PRKCQ: variants seen among roughly 807,000 people sequenced by gnomAD.
PRKCQ encodes protein kinase C theta type.
Under a neutral mutation model 91.2 loss-of-function variants are expected in PRKCQ, and 41 were observed. The observed-to-expected ratio is 0.45, with a 90% CI of 0.35 to 0.58. The LOEUF (loss-of-function observed/expected upper bound fraction) is 0.58. Ranked by LOEUF, PRKCQ falls within the 20% of genes least tolerant of loss-of-function variation. The pLI is 0.00. For synonymous variants in PRKCQ, 307 were observed against 316.9 expected, an observed-to-expected ratio of 0.97 and a Z score of 0.33; for missense variants, 673 against 896.5, an observed-to-expected ratio of 0.75 and a Z score of 3.18.
chr10:6,464,247 G>GAA, intron 13 of PRKCQ, 66 bp downstream of exon 13: 3 of 1,413,176 alleles, frequency 2.1e-6, no homozygotes, highest in Admixed American at 2.0e-5. Flanking sequence ...GGGAAAAAAG[G>GAA]AAAAAAAAAC....
intron 16 of PRKCQ, among the ~76,000 whole-genome samples, chr10:6,432,385 T>C (rs1833466708): frequency 1.3e-5 from 2 of 152,086 alleles, no homozygotes; most frequent in Non-Finnish European, 2.9e-5. Context: ...GTTTTTTCGC[T>C]TTTTTAAAAA....
At position 6,428,157 on chromosome 10, in the gene PRKCQ, C is replaced by T. The variant is rs1833214634; in HGVS notation, c.*50G>A. 1 of 1,610,106 alleles carries T rather than the reference C, an allele frequency of 6.2e-7. No individual in the cohort carries two copies. Among genetic ancestry groups the T allele is most frequent in the Admixed American group, 1.7e-5 (1 of 59,930 alleles). ...GGAACCCAAGCAGTGTCTCTTGAAC[C>T]AGTTCCCAGGGAGAAGGCAAATTCT... On this transcript the variant is annotated 3_prime_UTR_variant, in exon 18 of 18. Coordinates refer to ENST00000263125, the MANE Select transcript of PRKCQ (RefSeq NM_006257.5).
chr10:6,404,587 C>CT, the PRKCQ span, among the ~76,000 whole-genome samples: 1 of 107,898 alleles, frequency 9.3e-6, no homozygotes, highest in Admixed American at 1.2e-4. Flanking sequence ...TTCTTTCTTT[C>CT]TTTTTTTCTC....
chr10:6,442,182 G>A lies in PRKCQ; in HGVS notation c.1648-101C>T, dbSNP rs1588661299. ...GGCCACTCAGTAAATGGTCGAGGAT[G>A]ATGGTGTGCAAGAAAGATCACCCTG... On this transcript the variant is annotated intron_variant, in intron 15 of 17. Transcript: ENST00000263125. 6.0e-6 allele frequency: 7 copies of A among 1,173,000 alleles called. No homozygotes were observed. In the East Asian group the frequency reaches 1.8e-4, roughly 30 times the overall value. The allele number at this position is 1,173,000 out of a possible 1,614,324, so 72.7% of individuals were successfully genotyped here. A position where few individuals can be genotyped will look rare whatever the true frequency, so the allele number is the denominator to read the frequency against.
chr10:6,418,082 C>G, the PRKCQ span, among the ~76,000 whole-genome samples: 1 of 152,180 alleles, frequency 6.6e-6, no homozygotes, highest in Non-Finnish European at 1.5e-5. Context: ...CTTCTGAAAG[C>G]GTATTTGACA....
chr10:6,498,247 C>T, intron 5 of PRKCQ, 149 bp downstream of exon 5: 1 of 1,016,032 alleles, frequency 9.8e-7, no homozygotes, highest in South Asian at 1.6e-5. Context: ...CCATTTGAAC[C>T]TTCTCAGTTC....
At chr10:6,446,810 T>C (rs1373387368) in intron 15 of PRKCQ, among the ~76,000 whole-genome samples, 1 of 152,204 alleles carries the variant, frequency 6.6e-6, no homozygotes, top group Non-Finnish European at 1.5e-5. Context: ...AAGAATCAGA[T>C]GCACAGCTCA....
At chr10:6,527,462 TG>T (rs1396199595) in intron 1 of PRKCQ, among the ~76,000 whole-genome samples, 2 of 152,332 alleles carry the variant, frequency 1.3e-5, no homozygotes, top group East Asian at 1.9e-4. Context: ...TTTCCCTCCC[TG>T]TGTTTTCAAA....
intron 1 of PRKCQ, among the ~76,000 whole-genome samples, chr10:6,519,039 A>G (rs1372091974): frequency 6.6e-6 from 1 of 152,204 alleles, no homozygotes; most frequent in African/African-American, 2.4e-5. Context: ...TTATGTATGT[A>G]TATGTGTGGA....
chr10:6,425,979 G>T (rs1207581833), downstream of PRKCQ, among the ~76,000 whole-genome samples: 1 of 152,050 alleles, frequency 6.6e-6, no homozygotes, highest in African/African-American at 2.4e-5. Context: ...CTGGGGCAGG[G>T]GTATGTGGGA....
rs1445084695 is a variant in PRKCQ at position 6,497,197 on chromosome 10, G to C, written c.574+23C>G. The C allele has an allele frequency of 1.2e-6, 2 of 1,614,146 alleles. No individual in the cohort carries two copies. Among genetic ancestry groups the C allele is most frequent in the Non-Finnish European group, 1.7e-6 (2 of 1,179,996 alleles). The stretch of plus-strand genomic sequence containing the variant: ...ACTAAATAAAAAGAATGATGGTAAT[G>C]CAACCAAAACCCTCTTACTTACGTC... On this transcript the variant is annotated intron_variant, in intron 6 of 17. Transcript: ENST00000263125. The surrounding 1 kb of genome is among the most constrained non-coding windows in gnomAD (Gnocchi z 4.5).
intron 4 of PRKCQ, 142 bp from the exon 5 acceptor site, chr10:6,498,700 T>C: frequency 1.4e-6 from 1 of 712,542 alleles, no homozygotes; most frequent in Non-Finnish European, 2.3e-6. Flanking sequence ...CAGGTACTCA[T>C]TATGGTGGGT....
chr10:6,432,567 C>T (rs1833476290), intron 16 of PRKCQ, among the ~76,000 whole-genome samples: 1 of 152,180 alleles, frequency 6.6e-6, no homozygotes, highest in Admixed American at 6.5e-5. Context: ...TAGAAAGCCA[C>T]TGCACGGTGG....
intron 1 of PRKCQ, among the ~76,000 whole-genome samples, chr10:6,575,000 T>G (rs1373605058): frequency 1.3e-5 from 2 of 152,140 alleles, no homozygotes; most frequent in Non-Finnish European, 2.9e-5. Flanking sequence ...TGTTCACAAC[T>G]TGGTATGTGT....
intron 1 of PRKCQ, among the ~76,000 whole-genome samples, chr10:6,531,939 A>G (rs1468114271): frequency 6.6e-6 from 1 of 152,228 alleles, no homozygotes; most frequent in Non-Finnish European, 1.5e-5. Flanking sequence ...CTACCTAATT[A>G]GCAGCAGGAA....
chr10:6,512,509 A>G (rs1232259931), intron 2 of PRKCQ, among the ~76,000 whole-genome samples: 1 of 152,144 alleles, frequency 6.6e-6, no homozygotes, highest in Non-Finnish European at 1.5e-5. Flanking sequence ...CGCACATTGG[A>G]TTTTCTCTGG....
At chr10:6,415,994 G>A in the PRKCQ span, among the ~76,000 whole-genome samples, 1 of 151,930 alleles carries the variant, frequency 6.6e-6, no homozygotes, top group Non-Finnish European at 1.5e-5. Context: ...TGATATGCCC[G>A]ACTCGACCTC....
At chr10:6,556,433 G>GAAAAAAAAAAAAAAAAAAAAAAAAAAATA (rs1564391742) in intron 1 of PRKCQ, among the ~76,000 whole-genome samples, 1 of 93,484 alleles carries the variant, frequency 1.1e-5, no homozygotes, top group Non-Finnish European at 1.9e-5. Flanking sequence ...CCCTGTCTTG[G>GAAAAAAAAAAAAAAAAAAAAAAAAAAATA]GAAAAAAAAA....
At chr10:6,508,502 G>A (rs1838310699) in intron 3 of PRKCQ, among the ~76,000 whole-genome samples, 1 of 152,244 alleles carries the variant, frequency 6.6e-6, no homozygotes, top group African/African-American at 2.4e-5. Flanking sequence ...CAATGCCTAT[G>A]TCACAGCATT....
Sources: gnomAD v4.1 joint callset for allele counts (sites outside exome capture counted in the v4.1 genomes callset) on GRCh38, gnomAD v4.1.1 for gene constraint, Gnocchi (gnomAD v3.1) non-coding constraint, MANE v1.5 for transcripts, NCBI Gene and HGNC (gene_info 2026-07-23, HGNC 2026-07-21) for gene names.